Variants in DNAH1 observed in about 807,000 individuals in gnomAD.
DNAH1 encodes dynein axonemal heavy chain 1, also known as axonemal beta dynein heavy chain 1.
A neutral mutation model predicts 484.3 loss-of-function variants in DNAH1; 327 were observed. The ratio of observed to expected loss-of-function variants is 0.68; its 90% CI spans 0.62 to 0.74. DNAH1 has a LOEUF of 0.74. Among genes scored for constraint, DNAH1 ranks in the 30% least tolerant of loss-of-function variants. The probability of loss-of-function intolerance (pLI) is 0.00; values close to 1 mark genes in which losing one functional copy is unlikely to be tolerated. For missense variants in DNAH1, 5,052 were observed against 5,546.8 expected, an observed-to-expected ratio of 0.91 and a Z score of 2.83; for synonymous variants, 2,192 against 2,191.9, an observed-to-expected ratio of 1.00 and a Z score of 0.00.
In DNAH1 at chr3:52,372,299, C is replaced by T; in HGVS notation, c.6739C>T (p.Leu2247=). Residue 2247 remains leucine (L), a synonymous_variant, in exon 43 of 78, where the codon CTG becomes TTG. Coordinates refer to ENST00000420323, the MANE Select transcript of DNAH1 (RefSeq NM_015512.5). ...TGACAAGCTCCTCAAGAACCTGGCA[C>T]TGGATTACATCAGCCACTTCCTCAC... is the stretch of plus-strand genomic sequence containing the variant. ...ISDKLLKNLA[L]DYISHFLTFS... is the part of the protein sequence containing the mutation. The T allele has an allele frequency of 6.2e-7, 1 of 1,614,020 alleles. No homozygotes were observed. The highest frequency in any genetic ancestry group is 8.5e-7 in the Non-Finnish European group (1 of 1,179,878).
At position 52,368,846 on chromosome 3, in the gene DNAH1, G is replaced by A; in HGVS notation, c.5871G>A (p.Glu1957=). Residue 1957 remains glutamate, a synonymous_variant, in exon 37 of 78, where the codon GAG becomes GAA. Coordinates refer to ENST00000420323, the MANE Select transcript of DNAH1 (RefSeq NM_015512.5). This position sits in a 1 kb window ranked among gnomAD's most constrained non-coding sequence, Gnocchi z 4.4. ...GGCCGGTGGATGCCATCTGGATTGA[G>A]AACATGAACACGGTGCTGGATGACA... The part of the protein sequence containing the change: ...FDGPVDAIWI[E]NMNTVLDDNK... The A allele has an allele frequency of 6.2e-7, 1 of 1,613,940 alleles. No individual in the cohort carries two copies. The highest frequency in any genetic ancestry group is 2.2e-5 in the East Asian group (1 of 44,882).
intron 61 of DNAH1, 60 bp from the exon 62 acceptor site, chr3:52,391,119 C>T (rs1024284948): frequency 2.4e-5 from 39 of 1,608,228 alleles, no homozygotes; most frequent in African/African-American, 1.9e-4. Flanking sequence ...AGTGGTGAGC[C>T]GCAGAGCCTC....
At chr3:52,334,880 G>A (rs1458589898) in intron 8 of DNAH1, among the ~76,000 whole-genome samples, 3 of 149,260 alleles carry the variant, frequency 2.0e-5, no homozygotes, top group Non-Finnish European at 3.0e-5. Flanking sequence ...ACAGAGTCTC[G>A]CTCTGTCGCC....
chr3:52,340,440 A>ATTTT (rs1559502594), intron 8 of DNAH1, among the ~76,000 whole-genome samples: 1 of 147,562 alleles, frequency 6.8e-6, no homozygotes, highest in Admixed American at 6.8e-5. Flanking sequence ...TTATTTATTT[A>ATTTT]TATTTATTTT....
At chr3:52,375,093 A>T (rs1703529230) in intron 44 of DNAH1, 147 bp from the exon 45 acceptor site, 1 of 1,013,290 alleles carries the variant, frequency 9.9e-7, no homozygotes. Flanking sequence ...GGGCAAAGAA[A>T]AATTTTCCTG....
chr3:52,318,090 C>T (rs890392318), intron 1 of DNAH1, among the ~76,000 whole-genome samples: 6 of 152,208 alleles, frequency 3.9e-5, no homozygotes, highest in Admixed American at 6.5e-5. Context: ...CTCGCTCTGT[C>T]GCCCAGGCTG....
At chr3:52,343,285 G>C (rs1426586919) in intron 8 of DNAH1, among the ~76,000 whole-genome samples, 1 of 152,176 alleles carries the variant, frequency 6.6e-6, no homozygotes, top group African/African-American at 2.4e-5. Flanking sequence ...ACCAGAGTGT[G>C]TGGGGACCCC....
At position 52,375,978 on chromosome 3, in the gene DNAH1, T is replaced by A; in HGVS notation, c.7183T>A (p.Tyr2395Asn). 1 of 1,612,324 alleles carries A rather than the reference T, an allele frequency of 6.2e-7. No individual in the cohort carries two copies. Among genetic ancestry groups the A allele is most frequent in the Non-Finnish European group, 8.5e-7 (1 of 1,179,418 alleles). ...AGATGGACTCCTTGGAGAAAAAAGC[T>A]ACCGGGAGCGTGTGCGTAAGTGTGG... ...WLDGLLGEKS[Y>N]RERVPGAPHI... Residue 2395 changes from tyrosine to asparagine, a missense_variant, in exon 46 of 78, where the codon TAC (tyrosine) becomes AAC (asparagine). Physicochemically the swap from Tyr to Asn is moderately radical, Grantham distance 143. Coordinates refer to ENST00000420323, the MANE Select transcript of DNAH1 (RefSeq NM_015512.5).
chr3:52,391,129 C>T (rs764928548), intron 61 of DNAH1, 50 bp from the exon 62 acceptor site: 2 of 1,611,396 alleles, frequency 1.2e-6, no homozygotes, highest in Admixed American at 3.3e-5. Context: ...CGCAGAGCCT[C>T]AGGCTGGCTC....
chr3:52,345,601 G>A lies in DNAH1; in HGVS notation c.1551G>A (p.Arg517=), dbSNP rs1702109092. 7 of 1,605,718 alleles carry A rather than the reference G, an allele frequency of 4.4e-6. No individual in the cohort carries two copies. Among genetic ancestry groups the A allele is most frequent in the Non-Finnish European group, 5.1e-6 (6 of 1,175,934 alleles). The stretch of plus-strand genomic sequence containing the variant: ...TCATCACGGCCCTCAGCAAGGTGAG[G>A]GCCGAGTGCAACAAGGTGACCGCCA... The part of the protein sequence containing the change: ...PEVITALSKV[R]AECNKVTAMS... The change falls in exon 10 of 78, where the codon AGG becomes AGA. Residue 517 remains arginine (R), a synonymous_variant. Transcript: ENST00000420323.
At position 52,383,509 on chromosome 3, in the gene DNAH1, C is replaced by T; in HGVS notation, c.8065C>T (p.Gln2689Ter). The change falls in exon 51 of 78, where the codon CAG (glutamine) becomes TAG (stop). Residue 2689 changes from glutamine (Q) to a stop codon, truncating the protein, a stop_gained. Coordinates refer to ENST00000420323, the MANE Select transcript of DNAH1 (RefSeq NM_015512.5). LOFTEE classifies it high-confidence loss of function. ...VSTMRPYIQE[Q>*]GLQPTKANLM... The stretch of plus-strand genomic sequence containing the variant: ...CACCATGCGGCCCTATATCCAGGAG[C>T]AGGGCCTACAGCCCACCAAGGCCAA... 1 of 1,613,720 alleles carries T rather than the reference C, an allele frequency of 6.2e-7. No homozygotes were observed. Among genetic ancestry groups the T allele is most frequent in the Middle Eastern group, 1.6e-4 (1 of 6,062 alleles).
In DNAH1 at chr3:52,352,619, G is replaced by A. The variant is rs370546204; in HGVS notation, c.2939G>A (p.Arg980Gln). 5 of 1,612,634 alleles carry A rather than the reference G, an allele frequency of 3.1e-6. No homozygotes were observed. The highest frequency in any genetic ancestry group is 4.5e-5 in the East Asian group (2 of 44,864). ...SRAHEIANEVRRVKKQLKDCQ... is the reference protein window; with the variant it reads ...SRAHEIANEVQRVKKQLKDCQ... ...GCACACGAGATCGCCAACGAGGTGCGGCGTGTCAAGAAGCAGCTGAAGGAC... is the reference window on the plus strand; with the variant it reads ...GCACACGAGATCGCCAACGAGGTGCAGCGTGTCAAGAAGCAGCTGAAGGAC... Residue 980 changes from arginine to glutamine, a missense_variant, in exon 18 of 78, where the codon CGG becomes CAG. Physicochemically the swap from Arg to Gln is conservative, Grantham distance 43 (BLOSUM62 1). Transcript: ENST00000420323.
intron 1 of DNAH1, among the ~76,000 whole-genome samples, chr3:52,321,059 C>T (rs1287332721): frequency 6.6e-6 from 1 of 151,810 alleles, no homozygotes; most frequent in Non-Finnish European, 1.5e-5. Context: ...GTCAGCCTCC[C>T]GAAGTGCTGG....
At chr3:52,338,830 A>G (rs1420727637) in intron 8 of DNAH1, among the ~76,000 whole-genome samples, 1 of 151,364 alleles carries the variant, frequency 6.6e-6, no homozygotes, top group South Asian at 2.1e-4. Flanking sequence ...GTTTGAGACC[A>G]GCCTGGTCAA....
Position 52,364,938 on chromosome 3 carries a change from A to G in DNAH1, c.5437A>G (p.Lys1813Glu). The change falls in exon 34 of 78, where the codon AAG becomes GAG. Residue 1813 changes from lysine (K) to glutamate (E), a missense_variant. Around this residue, in one of 4 missense-constraint regions of DNAH1, gnomAD observed 2,929 missense variants for 3,409.4 expected, o/e 0.86. Coordinates refer to ENST00000420323, the MANE Select transcript of DNAH1 (RefSeq NM_015512.5). The surrounding 1 kb of genome is among the most constrained non-coding windows in gnomAD (Gnocchi z 4.2). ...GIVSDLFPTI[K>E]EEDTDYGILD... Reference sequence around the variant, plus strand: ...CGTGTCCGACCTGTTTCCCACCATCAAGGAGGAGGACACGGACTACGGCAT... The same window carrying G: ...CGTGTCCGACCTGTTTCCCACCATCGAGGAGGAGGACACGGACTACGGCAT... 4 of 1,613,886 alleles carry G rather than the reference A, an allele frequency of 2.5e-6. No individual in the cohort carries two copies. The highest frequency in any genetic ancestry group is 3.4e-6 in the Non-Finnish European group (4 of 1,179,846).
intron 8 of DNAH1, among the ~76,000 whole-genome samples, chr3:52,334,871 C>CA (rs1394700788): frequency 4.7e-5 from 7 of 150,118 alleles, no homozygotes; most frequent in Admixed American, 4.0e-4. Flanking sequence ...TTTTTTGAGA[C>CA]AGAGTCTCGC....
chr3:52,394,757 G>GTAGTGCCTCTCTAACCACCCTCACCT, intron 67 of DNAH1, 96 bp downstream of exon 67: 1 of 1,492,012 alleles, frequency 6.7e-7, no homozygotes, highest in Non-Finnish European at 9.0e-7. Flanking sequence ...GGGCCACCCA[G>GTAGTGCCTCTCTAACCACCCTCACCT]GGTTGCCCTG....
intron 8 of DNAH1, among the ~76,000 whole-genome samples, chr3:52,341,330 T>C (rs1701931816): frequency 6.6e-6 from 1 of 152,170 alleles, no homozygotes; most frequent in South Asian, 2.1e-4. Context: ...ATGTGGGGAC[T>C]CTTGTGCAAG....
intron 11 of DNAH1, 108 bp downstream of exon 11, chr3:52,346,878 C>A: frequency 8.0e-7 from 1 of 1,248,784 alleles, no homozygotes. Flanking sequence ...CATGCCAGGT[C>A]CCAGGCAGTA....
Sources: gnomAD v4.1 joint callset for allele counts (sites outside exome capture counted in the v4.1 genomes callset) on GRCh38, gnomAD v4.1.1 for gene constraint, gnomAD v4.1.1 regional missense constraint, Gnocchi (gnomAD v3.1) non-coding constraint, MANE v1.5 for transcripts, NCBI Gene and HGNC (gene_info 2026-07-23, HGNC 2026-07-21) for gene names.